GYPB: variants seen among roughly 807,000 people sequenced by gnomAD.
The protein encoded by GYPB is glycophorin-B.
Under a neutral mutation model 15.3 loss-of-function variants are expected in GYPB, and 13 were observed. That is an observed-to-expected ratio of 0.85 (90% CI 0.55 to 1.35). GYPB has a LOEUF of 1.35. GYPB is among the 40% of genes most tolerant of loss of function. GYPB has a pLI of 0.00. For missense variants in GYPB, 131 were observed against 108.3 expected (o/e 1.21, Z -0.93); for synonymous variants, 38 against 36.9 (o/e 1.03, Z -0.11).
intron 1 of GYPB, among the ~76,000 whole-genome samples, chr4:144,018,435 A>C (rs1329038233): frequency 6.6e-6 from 1 of 151,142 alleles, no homozygotes; most frequent in Non-Finnish European, 1.5e-5. Flanking sequence ...CACTTGGGTT[A>C]CAGCAATGTC....
At chr4:144,003,660 T>C (rs1174187365) in intron 1 of GYPB, among the ~76,000 whole-genome samples, 1 of 151,528 alleles carries the variant, frequency 6.6e-6, no homozygotes, top group African/African-American at 2.5e-5. Flanking sequence ...AGAGCTTATT[T>C]AGATAAGTTT....
At chr4:144,013,270 C>G (rs1362403029) in intron 1 of GYPB, among the ~76,000 whole-genome samples, 9 of 150,880 alleles carry the variant, frequency 6.0e-5, no homozygotes, top group East Asian at 3.9e-4. Flanking sequence ...CAGGAAACAA[C>G]AGGTGCTGGA....
intron 1 of GYPB, 125 bp downstream of exon 1, chr4:144,019,126 C>T (rs1728654683): frequency 6.9e-7 from 1 of 1,459,600 alleles, no homozygotes; most frequent in Non-Finnish European, 9.2e-7. Context: ...ATCCACCAGA[C>T]TGGAAGAGGA....
downstream of GYPB, among the ~76,000 whole-genome samples, chr4:143,995,928 A>G (rs1727288074): frequency 6.6e-6 from 1 of 151,230 alleles, no homozygotes; most frequent in South Asian, 2.1e-4. Context: ...ATGAGACTTC[A>G]TGTTATCTTG....
chr4:144,017,664 A>G (rs1728577099), intron 1 of GYPB, among the ~76,000 whole-genome samples: 1 of 151,316 alleles, frequency 6.6e-6, no homozygotes, highest in African/African-American at 2.5e-5. Context: ...AATTTGGGGC[A>G]CTTGTAAGTC....
chr4:143,997,374 A>AAT (rs1196419173), intron 4 of GYPB, 166 bp downstream of exon 4: 2 of 522,766 alleles, frequency 3.8e-6, no homozygotes, highest in East Asian at 6.7e-5. Flanking sequence ...AATGCAAAAA[A>AAT]AAAATTCTGC....
intron 1 of GYPB, among the ~76,000 whole-genome samples, chr4:144,003,057 A>G (rs1727708514): frequency 6.6e-6 from 1 of 151,516 alleles, no homozygotes; most frequent in Admixed American, 6.6e-5. Context: ...TTAAACAATA[A>G]TCTGGTGATA....
chr4:144,004,276 A>G (rs1727770486), intron 1 of GYPB, among the ~76,000 whole-genome samples: 3 of 151,908 alleles, frequency 2.0e-5, no homozygotes, highest in Non-Finnish European at 4.4e-5. Flanking sequence ...CAATCTCATA[A>G]TGGTAGCTGA....
At chr4:144,003,449 C>A (rs930072289) in intron 1 of GYPB, among the ~76,000 whole-genome samples, 3 of 151,158 alleles carry the variant, frequency 2.0e-5, no homozygotes, top group Non-Finnish European at 4.4e-5. Context: ...AGCCCTATAG[C>A]CTGAGGCTTT....
chr4:144,001,053 G>A (rs1727593869), intron 2 of GYPB, 132 bp downstream of exon 2: 1 of 1,465,008 alleles, frequency 6.8e-7, no homozygotes, highest in South Asian at 1.2e-5. Context: ...TGTCTACTTA[G>A]TAGGCTGTGT....
intron 1 of GYPB, chr4:144,008,325 A>G: frequency 2.2e-6 from 1 of 449,618 alleles, no homozygotes. Flanking sequence ...AATGCAACCA[A>G]CTCTCAAGCA....
intron 3 of GYPB, among the ~76,000 whole-genome samples, chr4:143,999,090 G>A (rs1258617592): frequency 6.6e-6 from 1 of 151,064 alleles, no homozygotes; most frequent in African/African-American, 2.5e-5. Context: ...TGTATTTTTT[G>A]TAGAGATAGA....
At position 144,016,932 on chromosome 4, in the gene GYPB, C is replaced by T. The variant is rs187081175; in HGVS notation, c.37+2319G>A. 1,451 of 334,498 alleles carry T rather than the reference C, an allele frequency of 4.3e-3. 68 individuals carry two copies. Among genetic ancestry groups the T allele is most frequent in the African/African-American group, 0.021 (933 of 43,914 alleles). The allele number at this position is 334,498 out of a possible 1,614,324, so 20.7% of individuals were successfully genotyped here. On this transcript the variant is annotated intron_variant, in intron 1 of 4. Transcript: ENST00000502664. ...TGTCATCTACTCAGAAAATAACTCC[C>T]TGCTACCCTTTTCTTAAGCAGTTTT...
At chr4:144,010,415 G>C (rs11490083) in intron 1 of GYPB, among the ~76,000 whole-genome samples, 1 of 151,438 alleles carries the variant, frequency 6.6e-6, no homozygotes. Context: ...ACTGAAGTAA[G>C]CTATGACTGT....
At chr4:144,013,641 T>C (rs1383473902) in intron 1 of GYPB, among the ~76,000 whole-genome samples, 1 of 150,680 alleles carries the variant, frequency 6.6e-6, no homozygotes, top group Non-Finnish European at 1.5e-5. Context: ...AAATTGGAAA[T>C]CATCATTCTC....
Position 143,999,435 on chromosome 4 carries a change from G to C in GYPB, c.151C>G (p.Leu51Val), listed in dbSNP as rs1290983428. The C allele has an allele frequency of 6.5e-7, 1 of 1,538,858 alleles. No homozygotes were observed. Among genetic ancestry groups the C allele is most frequent in the Non-Finnish European group, 9.0e-7 (1 of 1,116,796 alleles). Reference protein sequence around the residue: ...SSQTNGETGQLVHRFTVPAPV... With the variant: ...SSQTNGETGQVVHRFTVPAPV... ...CCTGGTACAGTGAAACGATGGACAAGTTGTCCCGTTTCTCCTATAAAGCAA... is the reference window on the plus strand; with the variant it reads ...CCTGGTACAGTGAAACGATGGACAACTTGTCCCGTTTCTCCTATAAAGCAA... The change falls in exon 3 of 5, where the codon CTT becomes GTT. Residue 51 changes from leucine (L) to valine (V), a missense_variant. Leu to Val is a conservative substitution (Grantham distance 32). Coordinates refer to ENST00000502664, the MANE Select transcript of GYPB (RefSeq NM_002100.6).
intron 4 of GYPB, 120 bp from the exon 5 acceptor site, chr4:143,996,424 T>G: frequency 1.3e-6 from 2 of 1,524,300 alleles, no homozygotes; most frequent in Non-Finnish European, 1.8e-6. Context: ...AATTGGAGGC[T>G]TCTAAAGGGT....
intron 1 of GYPB, chr4:144,002,746 T>G: frequency 3.2e-6 from 4 of 1,250,696 alleles, no homozygotes; most frequent in Non-Finnish European, 4.2e-6. Flanking sequence ...CTCTCATTAG[T>G]CTACTCAAGG....
At chr4:144,010,919 G>T (rs573062411) in intron 1 of GYPB, among the ~76,000 whole-genome samples, 40 of 150,922 alleles carry the variant, frequency 2.7e-4, no homozygotes, top group South Asian at 2.3e-3. Flanking sequence ...AAAGGATAAG[G>T]GCAAATAAAA....
Sources: allele counts gnomAD v4.1 joint callset (sites outside exome capture counted in the v4.1 genomes callset), GRCh38; gene constraint gnomAD v4.1.1; transcripts MANE v1.5; gene names NCBI Gene and HGNC (gene_info 2026-07-23, HGNC 2026-07-21).